The following RABGAP1L variants were observed in gnomAD, a reference collection of about 807,000 sequenced individuals.
RABGAP1L encodes RAB GTPase activating protein 1 like, also known as rab GTPase-activating protein 1-like.
In RABGAP1L, 63 loss-of-function variants were observed where a neutral mutation model predicts 137.7. That is an observed-to-expected ratio of 0.46 (90% CI 0.37 to 0.56). The LOEUF (loss-of-function observed/expected upper bound fraction) is 0.56, where lower values mean the gene tolerates loss of function less well. RABGAP1L is among the 20% of genes least tolerant of loss of function. The pLI, the probability that RABGAP1L is intolerant of heterozygous loss-of-function variation, is 0.00. For synonymous variants in RABGAP1L, 431 were observed against 433.7 expected (o/e 0.99, Z 0.08); for missense variants, 1,095 against 1,244.0 (o/e 0.88, Z 1.80).
intron 13 of RABGAP1L, among the ~76,000 whole-genome samples, chr1:174,460,304 A>G (rs941008868): frequency 6.6e-6 from 1 of 152,134 alleles, no homozygotes; most frequent in East Asian, 1.9e-4. Context: ...CATAAAGGAA[A>G]TTTAGGAAAT....
intron 18 of RABGAP1L, among the ~76,000 whole-genome samples, chr1:174,795,742 T>C (rs1228700676): frequency 6.6e-6 from 1 of 152,152 alleles, no homozygotes; most frequent in African/African-American, 2.4e-5. Context: ...TTGTTGTTAT[T>C]ATTATAATTA....
chr1:174,299,569 A>G (rs532297646), intron 10 of RABGAP1L, among the ~76,000 whole-genome samples: 1 of 152,368 alleles, frequency 6.6e-6, no homozygotes, highest in African/African-American at 2.4e-5. Context: ...TTCTGGCGGA[A>G]CCAGGCAGAG....
intron 14 of RABGAP1L, among the ~76,000 whole-genome samples, chr1:174,674,451 T>C (rs979631827): frequency 6.7e-6 from 1 of 150,138 alleles, no homozygotes; most frequent in African/African-American, 2.5e-5. Context: ...TATTCCATGG[T>C]GTATATGTGC....
intron 19 of RABGAP1L, among the ~76,000 whole-genome samples, chr1:174,889,921 G>T (rs977025737): frequency 1.3e-5 from 2 of 151,864 alleles, no homozygotes; most frequent in African/African-American, 4.8e-5. Flanking sequence ...TTTTCTTTTT[G>T]TAGAGAGGGA....
intron 13 of RABGAP1L, among the ~76,000 whole-genome samples, chr1:174,611,183 T>C (rs1206097469): frequency 3.4e-5 from 5 of 147,388 alleles, no homozygotes; most frequent in Admixed American, 3.4e-4. Context: ...GTTTTTATGG[T>C]TTTAGGTCTA....
intron 3 of RABGAP1L, among the ~76,000 whole-genome samples, chr1:174,229,249 G>T (rs1329916235): frequency 2.6e-5 from 4 of 152,186 alleles, no homozygotes; most frequent in African/African-American, 7.2e-5. Context: ...TGCTTAGGAA[G>T]TTAGGCTGCT....
At chr1:174,793,672 A>G (rs1335008966) in intron 18 of RABGAP1L, among the ~76,000 whole-genome samples, 1 of 152,068 alleles carries the variant, frequency 6.6e-6, no homozygotes, top group Non-Finnish European at 1.5e-5. Flanking sequence ...ATCCAGAAGC[A>G]TATAGTACAG....
At chr1:174,621,783 A>C (rs1043081772) in intron 13 of RABGAP1L, among the ~76,000 whole-genome samples, 2 of 152,236 alleles carry the variant, frequency 1.3e-5, no homozygotes, top group African/African-American at 4.8e-5. Context: ...CATTGAGGAC[A>C]TAGGCATGGG....
intron 13 of RABGAP1L, among the ~76,000 whole-genome samples, chr1:174,590,352 A>C (rs59512066): frequency 3.5e-4 from 29 of 83,154 alleles, no homozygotes; most frequent in South Asian, 8.7e-4. Context: ...TTTTTTATTT[A>C]TTTTTTTTTT....
Position 174,508,050 on chromosome 1 carries a change from T to C in RABGAP1L, c.1710+113905T>C, listed in dbSNP as rs1296450611. 2.0e-5 allele frequency among the ~76,000 whole-genome samples: 3 copies of C among 152,244 alleles called. No homozygotes were observed. In the East Asian group the frequency reaches 5.8e-4, roughly 29 times the overall value. On this transcript the variant is annotated intron_variant, in intron 13 of 25. Coordinates refer to ENST00000681986, the MANE Select transcript of RABGAP1L (RefSeq NM_001366446.1). ...CTTAAATTTGTAAGTGAATAAAAAA[T>C]TATATGAGTATTATGAGTGTTCAAA...
chr1:174,916,895 A>G (rs1433906838), intron 19 of RABGAP1L, among the ~76,000 whole-genome samples: 1 of 152,238 alleles, frequency 6.6e-6, no homozygotes, highest in African/African-American at 2.4e-5. Flanking sequence ...TCGGACTGCC[A>G]TAACCAAACA....
intron 11 of RABGAP1L, among the ~76,000 whole-genome samples, chr1:174,329,994 G>C (rs1680887617): frequency 1.3e-5 from 2 of 151,550 alleles, no homozygotes; most frequent in Admixed American, 1.3e-4. Context: ...TCTGGAACAA[G>C]ATGTGGATGC....
chr1:174,230,789 G>C (rs1418208408), intron 3 of RABGAP1L, among the ~76,000 whole-genome samples: 1 of 152,172 alleles, frequency 6.6e-6, no homozygotes, highest in Non-Finnish European at 1.5e-5. Context: ...TCAGTTTGGA[G>C]ACCAGAGGTT....
intron 11 of RABGAP1L, among the ~76,000 whole-genome samples, chr1:174,337,475 C>G (rs897892450): frequency 2.0e-5 from 3 of 152,112 alleles, no homozygotes; most frequent in Non-Finnish European, 4.4e-5. Context: ...AGAGCCTCCA[C>G]AGAAACATAG....
At chr1:174,213,603 G>A (rs1247961394) in intron 1 of RABGAP1L, among the ~76,000 whole-genome samples, 1 of 152,026 alleles carries the variant, frequency 6.6e-6, no homozygotes, top group African/African-American at 2.4e-5. Context: ...CAAAACACAG[G>A]AACACATTAG....
At chr1:174,443,245 G>A (rs2149236714) in intron 13 of RABGAP1L, among the ~76,000 whole-genome samples, 1 of 152,160 alleles carries the variant, frequency 6.6e-6, no homozygotes, top group African/African-American at 2.4e-5. Context: ...CCAGCAGTGG[G>A]ATTGCTGGAT....
At chr1:174,782,856 G>T (rs1420695955) in intron 18 of RABGAP1L, among the ~76,000 whole-genome samples, 2 of 152,190 alleles carry the variant, frequency 1.3e-5, no homozygotes, top group African/African-American at 4.8e-5. Flanking sequence ...AAAACAGGAG[G>T]CAAAGAAGTA....
chr1:174,302,205 G>C (rs1379591958), intron 10 of RABGAP1L, among the ~76,000 whole-genome samples: 6 of 152,182 alleles, frequency 3.9e-5, no homozygotes, highest in African/African-American at 1.2e-4. Context: ...GGACACAGAA[G>C]CCACTTTTGC....
At chr1:174,422,453 C>G (rs1430039856) in intron 13 of RABGAP1L, among the ~76,000 whole-genome samples, 1 of 151,924 alleles carries the variant, frequency 6.6e-6, no homozygotes, top group East Asian at 1.9e-4. Context: ...AATAAGAATA[C>G]TCATTCATAT....
Sources: gnomAD v4.1 joint callset for allele counts (sites outside exome capture counted in the v4.1 genomes callset) on GRCh38, gnomAD v4.1.1 for gene constraint, MANE v1.5 for transcripts, NCBI Gene and HGNC (gene_info 2026-07-23, HGNC 2026-07-21) for gene names.